RAB31: variants seen among roughly 807,000 people sequenced by gnomAD.
RAB31 encodes the protein RAB31, member RAS oncogene family.
In RAB31, 21 loss-of-function variants were observed where a neutral mutation model predicts 25.6. The observed-to-expected ratio is 0.82, with a 90% CI of 0.58 to 1.18. RAB31 has a LOEUF of 1.18. Among genes scored for constraint, RAB31 ranks in the 50% most tolerant of loss-of-function variants. The pLI is 0.00. For synonymous variants in RAB31, 87 were observed against 84.0 expected (o/e 1.04, Z -0.20); for missense variants, 196 against 250.1 (o/e 0.78, Z 1.46).
intron 5 of RAB31, among the ~76,000 whole-genome samples, chr18:9,831,703 G>A (rs2068679413): frequency 2.0e-5 from 3 of 152,210 alleles, no homozygotes; most frequent in African/African-American, 7.2e-5. Context: ...GCCTGAGCTG[G>A]GGACTGCCGT....
chr18:9,826,557 C>T (rs2068650892), intron 5 of RAB31, among the ~76,000 whole-genome samples: 1 of 152,160 alleles, frequency 6.6e-6, no homozygotes, highest in Non-Finnish European at 1.5e-5. Context: ...TGATTGGGTT[C>T]AAATTAATAT....
intron 1 of RAB31, among the ~76,000 whole-genome samples, chr18:9,727,200 C>T (rs2068100008): frequency 6.6e-6 from 1 of 152,140 alleles, no homozygotes; most frequent in Admixed American, 6.5e-5. Context: ...CCCGTATGCC[C>T]TGGTGCTATG....
At chr18:9,812,697 T>G (rs1342291207) in intron 3 of RAB31, among the ~76,000 whole-genome samples, 1 of 111,958 alleles carries the variant, frequency 8.9e-6, no homozygotes, top group Non-Finnish European at 1.7e-5. Context: ...CTATTTTTTT[T>G]TTTTTTTTTT....
intron 1 of RAB31, among the ~76,000 whole-genome samples, chr18:9,765,109 C>T (rs553811686): frequency 4.1e-4 from 62 of 152,202 alleles, no homozygotes; most frequent in South Asian, 2.5e-3. Context: ...CTCGCCACCA[C>T]GCCTGTCTGA....
chr18:9,735,995 C>G (rs1413103336), intron 1 of RAB31, among the ~76,000 whole-genome samples: 5 of 152,188 alleles, frequency 3.3e-5, no homozygotes, highest in Admixed American at 3.3e-4. Flanking sequence ...CACCACCAAG[C>G]CTGGCTAATT....
At chr18:9,825,380 T>C (rs2068644789) in intron 5 of RAB31, among the ~76,000 whole-genome samples, 1 of 152,182 alleles carries the variant, frequency 6.6e-6, no homozygotes, top group Admixed American at 6.5e-5. Flanking sequence ...ACGCTGCATG[T>C]CCTTTTCCTG....
At chr18:9,812,555 T>A (rs2068578423) in intron 3 of RAB31, among the ~76,000 whole-genome samples, 1 of 152,216 alleles carries the variant, frequency 6.6e-6, no homozygotes, top group South Asian at 2.1e-4. Flanking sequence ...TTCTTCCGAT[T>A]CTAATTGAAC....
rs141918566 is a variant in RAB31 at position 9,781,153 on chromosome 18, AT to A, written c.119+5805del. On this transcript the variant is annotated intron_variant, in intron 2 of 6. Transcript: ENST00000578921. ...GGTTATCTCTGTACCAGCTTTAGGT[AT>A]TTTTTTTTGTACAATTTTTAACTTT... Among the ~76,000 whole-genome samples the A allele has an allele frequency of 9.9e-3, 1,493 of 150,942 alleles. 17 individuals carry two copies. Among genetic ancestry groups the A allele is most frequent in the African/African-American group, 0.034 (1,415 of 41,180 alleles).
intron 1 of RAB31, among the ~76,000 whole-genome samples, chr18:9,716,048 GC>G (rs889451782): frequency 3.9e-5 from 6 of 152,106 alleles, no homozygotes; most frequent in African/African-American, 1.4e-4. Context: ...GTTTCCAGTT[GC>G]CCCCAAATGT....
chr18:9,742,114 G>T (rs1417918936), intron 1 of RAB31, among the ~76,000 whole-genome samples: 2 of 152,222 alleles, frequency 1.3e-5, no homozygotes, highest in African/African-American at 2.4e-5. Context: ...GCACTGGCAG[G>T]GCTCGAAGTG....
chr18:9,718,524 G>A (rs568006824), intron 1 of RAB31, among the ~76,000 whole-genome samples: 172 of 152,304 alleles, frequency 1.1e-3, no homozygotes, highest in African/African-American at 3.8e-3. Context: ...CTCCCAAAGT[G>A]CTGGGATTAC....
Position 9,816,401 on chromosome 18 carries a change from C to T in RAB31, c.380+1179C>T, listed in dbSNP as rs113618431. ...TTTGGGCTAGATGGTTTTGTTATTT[C>T]TGTTGTTACTTTTTCCATTATTATT... On this transcript the variant is annotated intron_variant, in intron 5 of 6. Transcript: ENST00000578921. Among the ~76,000 whole-genome samples the T allele has an allele frequency of 3.0e-4, 46 of 152,272 alleles. 1 individual carries two copies. The highest frequency in any genetic ancestry group is 1.1e-3 in the African/African-American group (45 of 41,558).
chr18:9,814,994 A>T (rs1599051086), intron 4 of RAB31, 122 bp from the exon 5 acceptor site: 2 of 659,522 alleles, frequency 3.0e-6, no homozygotes, highest in African/African-American at 1.8e-5. Context: ...GTAGTATGTT[A>T]ATCTGCATGA....
At chr18:9,835,357 C>A (rs1480096020) in intron 5 of RAB31, among the ~76,000 whole-genome samples, 2 of 151,472 alleles carry the variant, frequency 1.3e-5, no homozygotes, top group Non-Finnish European at 2.9e-5. Context: ...TTTCTCTGGC[C>A]TCTTCAGGAC....
At chr18:9,820,150 A>G (rs575252979) in intron 5 of RAB31, among the ~76,000 whole-genome samples, 42 of 152,188 alleles carry the variant, frequency 2.8e-4, no homozygotes, top group African/African-American at 9.9e-4. Context: ...TTAAGGATAA[A>G]ATGCTCCAGT....
At chr18:9,776,790 T>A (rs2068374446) in intron 2 of RAB31, among the ~76,000 whole-genome samples, 1 of 152,134 alleles carries the variant, frequency 6.6e-6, no homozygotes, top group Non-Finnish European at 1.5e-5. Context: ...AACGCAAGTC[T>A]TCTACATGGG....
intron 3 of RAB31, among the ~76,000 whole-genome samples, chr18:9,801,814 C>G (rs1014512820): frequency 6.6e-6 from 1 of 152,212 alleles, no homozygotes; most frequent in Non-Finnish European, 1.5e-5. Flanking sequence ...ATAGTCTTAG[C>G]TCTCACTTTT....
At chr18:9,789,481 A>G (rs113984859) in intron 2 of RAB31, among the ~76,000 whole-genome samples, 3 of 152,352 alleles carry the variant, frequency 2.0e-5, no homozygotes, top group African/African-American at 7.2e-5. Flanking sequence ...GTATGTACAT[A>G]TCACTCTGTA....
At chr18:9,754,741 C>T (rs570650436) in intron 1 of RAB31, among the ~76,000 whole-genome samples, 79 of 152,232 alleles carry the variant, frequency 5.2e-4, no homozygotes, top group Middle Eastern at 3.4e-3. Flanking sequence ...TATATCAGGA[C>T]TTGAACATTC....
Sources: allele counts gnomAD v4.1 joint callset (sites outside exome capture counted in the v4.1 genomes callset), GRCh38; gene constraint gnomAD v4.1.1; transcripts MANE v1.5; gene names NCBI Gene and HGNC (gene_info 2026-07-23, HGNC 2026-07-21).